Variants in RAB38 observed in about 807,000 individuals in gnomAD.
RAB38 encodes ras-related protein Rab-38.
Under a neutral mutation model 18.4 loss-of-function variants are expected in RAB38, and 15 were observed. That is an observed-to-expected ratio of 0.82 (90% CI 0.55 to 1.26). RAB38 has a LOEUF of 1.26. RAB38 is among the 50% of genes most tolerant of loss of function. The probability of loss-of-function intolerance (pLI) is 0.00; values close to 1 mark genes in which losing one functional copy is unlikely to be tolerated. For synonymous variants in RAB38, 101 were observed against 104.4 expected, an observed-to-expected ratio of 0.97 and a Z score of 0.20; for missense variants, 294 against 267.4, an observed-to-expected ratio of 1.10 and a Z score of -0.69.
the RAB38 span, among the ~76,000 whole-genome samples, chr11:88,056,415 G>A: frequency 6.6e-6 from 1 of 152,130 alleles, no homozygotes; most frequent in Admixed American, 6.5e-5. Flanking sequence ...AGTAGGAGTA[G>A]GTCAAAATGA....
chr11:88,030,115 G>A, the RAB38 span, among the ~76,000 whole-genome samples: 1 of 152,098 alleles, frequency 6.6e-6, no homozygotes, highest in African/African-American at 2.4e-5. Flanking sequence ...TGAACAACCT[G>A]CTCCTGAATG....
At chr11:88,168,280 C>T (rs1476864832) in intron 1 of RAB38, among the ~76,000 whole-genome samples, 1 of 152,066 alleles carries the variant, frequency 6.6e-6, no homozygotes, top group Admixed American at 6.6e-5. Flanking sequence ...TCACTTTCAC[C>T]GTTCTTAACA....
At chr11:88,128,639 A>G (rs1942733392) in intron 2 of RAB38, among the ~76,000 whole-genome samples, 1 of 152,194 alleles carries the variant, frequency 6.6e-6, no homozygotes, top group African/African-American at 2.4e-5. Context: ...GCAAATAAAG[A>G]AGTTCAGAGC....
chr11:88,097,941 C>T, the RAB38 span: 1 of 151,900 alleles, frequency 6.6e-6, no homozygotes, highest in Non-Finnish European at 1.5e-5. Flanking sequence ...TTTATCAATA[C>T]TTTACTGCTC....
chr11:87,964,976 CAG>C, the RAB38 span, among the ~76,000 whole-genome samples: 2 of 152,176 alleles, frequency 1.3e-5, no homozygotes, highest in African/African-American at 2.4e-5. Context: ...ATATCTACGG[CAG>C]AGTTTCTCTG....
At chr11:87,948,444 T>G in the RAB38 span, among the ~76,000 whole-genome samples, 4 of 151,504 alleles carry the variant, frequency 2.6e-5, no homozygotes, top group African/African-American at 9.7e-5. Flanking sequence ...TGAATAGGAG[T>G]GGTGAGAGAG....
chr11:88,022,615 A>AAAAAAAC, the RAB38 span, among the ~76,000 whole-genome samples: 9 of 148,978 alleles, frequency 6.0e-5, no homozygotes, highest in South Asian at 1.5e-3. Context: ...ACCCCACAAA[A>AAAAAAAC]AAAAAAAAAA....
chr11:87,888,099 A>AT, the RAB38 span, among the ~76,000 whole-genome samples: 3 of 151,784 alleles, frequency 2.0e-5, no homozygotes, highest in Non-Finnish European at 2.9e-5. Flanking sequence ...CCAAAGGAAG[A>AT]TTTTTCAGAA....
the RAB38 span, among the ~76,000 whole-genome samples, chr11:87,965,660 T>A: frequency 9.9e-5 from 15 of 152,152 alleles, no homozygotes; most frequent in African/African-American, 3.4e-4. Flanking sequence ...ACATAGATGG[T>A]GAAATGTGGT....
the RAB38 span, among the ~76,000 whole-genome samples, chr11:88,074,945 A>T: frequency 1.3e-5 from 2 of 152,188 alleles, no homozygotes; most frequent in Non-Finnish European, 2.9e-5. Flanking sequence ...CATAAACTAT[A>T]AGAAGAGACA....
chr11:88,073,488 GA>G, the RAB38 span, among the ~76,000 whole-genome samples: 1 of 152,006 alleles, frequency 6.6e-6, no homozygotes, highest in Admixed American at 6.6e-5. Flanking sequence ...ACCTAGCAGG[GA>G]AAAAGAAAAG....
chr11:87,873,401 T>C, the RAB38 span, among the ~76,000 whole-genome samples: 1 of 151,602 alleles, frequency 6.6e-6, no homozygotes, highest in Non-Finnish European at 1.5e-5. Flanking sequence ...CTGGCTTGTT[T>C]TCTCATTCTC....
chr11:88,082,340 G>T, the RAB38 span, among the ~76,000 whole-genome samples: 695 of 151,768 alleles, frequency 4.6e-3, 4 homozygotes, highest in African/African-American at 0.016. Flanking sequence ...ATATTTGTAG[G>T]ATGATTCAGG....
chr11:87,940,741 T>A, the RAB38 span, among the ~76,000 whole-genome samples: 1 of 152,040 alleles, frequency 6.6e-6, no homozygotes, highest in African/African-American at 2.4e-5. Context: ...CCTCCTGGGA[T>A]CAACTGATTA....
the RAB38 span, among the ~76,000 whole-genome samples, chr11:87,810,554 G>T: frequency 6.6e-6 from 1 of 152,162 alleles, no homozygotes; most frequent in Admixed American, 6.5e-5. Flanking sequence ...AAATAAGGAA[G>T]AATATGTACC....
chr11:88,015,644 G>C, the RAB38 span, among the ~76,000 whole-genome samples: 2 of 152,210 alleles, frequency 1.3e-5, no homozygotes, highest in South Asian at 4.1e-4. Flanking sequence ...AGGAAAGTGA[G>C]TTACGAAAAC....
At chr11:88,021,100 C>T in the RAB38 span, among the ~76,000 whole-genome samples, 2 of 151,886 alleles carry the variant, frequency 1.3e-5, no homozygotes, top group African/African-American at 2.4e-5. Flanking sequence ...TAATAAAGAT[C>T]AGAGCAGAAA....
the RAB38 span, among the ~76,000 whole-genome samples, chr11:87,858,479 A>T: frequency 6.6e-6 from 1 of 152,082 alleles, no homozygotes; most frequent in Admixed American, 6.6e-5. Context: ...GACCAGAAAG[A>T]TATTTCATTC....
the RAB38 span, among the ~76,000 whole-genome samples, chr11:87,946,562 C>T: frequency 2.6e-5 from 4 of 151,942 alleles, no homozygotes; most frequent in African/African-American, 9.7e-5. Context: ...CACAACAGTC[C>T]CCGGTGTGTG....
Sources: allele counts gnomAD v4.1 joint callset (sites outside exome capture counted in the v4.1 genomes callset), GRCh38; gene constraint gnomAD v4.1.1; transcripts MANE v1.5; gene names NCBI Gene and HGNC (gene_info 2026-07-23, HGNC 2026-07-21).